Variants in PTK2B observed in about 807,000 individuals in gnomAD.
PTK2B encodes the protein protein-tyrosine kinase 2-beta.
Under a neutral mutation model 142.9 loss-of-function variants are expected in PTK2B, and 71 were observed. The ratio of observed to expected loss-of-function variants is 0.50; its 90% confidence interval spans 0.41 to 0.61. The LOEUF (loss-of-function observed/expected upper bound fraction) is 0.61, where lower values mean the gene tolerates loss of function less well. PTK2B is among the 20% of genes least tolerant of loss of function. PTK2B has a pLI of 0.00. For synonymous variants in PTK2B, 519 were observed against 503.4 expected (o/e 1.03, Z -0.42); for missense variants, 1,105 against 1,320.4 (o/e 0.84, Z 2.53).
chr8:27,345,466 C>T (rs913753183), intron 1 of PTK2B, among the ~76,000 whole-genome samples: 11 of 152,182 alleles, frequency 7.2e-5, no homozygotes, highest in African/African-American at 2.7e-4. Context: ...CCTGCCTATC[C>T]CTGGGGAATG....
At chr8:27,438,711 A>G (rs1025503392) in intron 18 of PTK2B, among the ~76,000 whole-genome samples, 1 of 152,118 alleles carries the variant, frequency 6.6e-6, no homozygotes, top group Non-Finnish European at 1.5e-5. Context: ...AGCAGATGCC[A>G]GGAATCTGAG....
chr8:27,439,820 ACT>A (rs1463874179), intron 20 of PTK2B, among the ~76,000 whole-genome samples: 1 of 151,798 alleles, frequency 6.6e-6, no homozygotes, highest in African/African-American at 2.4e-5. Flanking sequence ...CATTATTATT[ACT>A]CTCATTTTCC....
In PTK2B at chr8:27,430,073, TC is replaced by T. The variant is rs764850606; in HGVS notation, c.552-18del. On this transcript the variant is annotated intron_variant, in intron 5 of 30. Coordinates refer to ENST00000346049, the MANE Select transcript of PTK2B (RefSeq NM_173176.3). ...CATTCTCCAGCCTTCAGCCTCCCTCTCCACCACCTATTTCTCCAGGCGGTTC... is the reference window on the plus strand; with the variant it reads ...CATTCTCCAGCCTTCAGCCTCCCTCTCACCACCTATTTCTCCAGGCGGTTC... 2.1e-4 allele frequency: 333 copies of T among 1,610,314 alleles called. No homozygotes were observed. Among genetic ancestry groups the T allele is most frequent in the Middle Eastern group, 1.5e-3 (9 of 6,058 alleles).
chr8:27,415,817 T>C (rs2131739082), intron 2 of PTK2B, among the ~76,000 whole-genome samples: 1 of 152,274 alleles, frequency 6.6e-6, no homozygotes, highest in African/African-American at 2.4e-5. Context: ...TAGAAATAAA[T>C]TTAACAAAAG....
rs757895145 is a variant in PTK2B, at chr8:27,423,274, C to T, written c.551+891C>T. Among the ~76,000 whole-genome samples, 110 of 152,172 alleles carry T rather than the reference C, an allele frequency of 7.2e-4. 1 individual carries two copies. Among genetic ancestry groups the T allele is most frequent in the Admixed American group, 1.4e-3 (21 of 15,276 alleles). On this transcript the variant is annotated intron_variant, in intron 5 of 30. Transcript: ENST00000346049. Reference sequence around the variant, plus strand: ...TGATATGGCTGACCTGTGTTCTAGCCCTGTCTTGACCAGGGCAGCACCATT... The same window carrying T: ...TGATATGGCTGACCTGTGTTCTAGCTCTGTCTTGACCAGGGCAGCACCATT...
rs899228251 is a variant in PTK2B at position 27,397,929 on chromosome 8, C to A, written c.204+141C>A. On this transcript the variant is annotated intron_variant, in intron 2 of 30. Coordinates refer to ENST00000346049, the MANE Select transcript of PTK2B (RefSeq NM_173176.3). ...GGTGAGGTGGCATCAGAGAGATGTG[C>A]TCAGCCTGCATCACCAGGCCTGCTC... 10 of 1,053,052 alleles carry A rather than the reference C, an allele frequency of 9.5e-6. No individual in the cohort carries two copies. The African/African-American group carries it at 1.1e-4, about 12-fold the overall frequency. 65.2% of individuals were successfully genotyped at this position (1,053,052 alleles called of 1,614,324 possible).
chr8:27,413,958 G>T (rs1040767827), intron 2 of PTK2B, among the ~76,000 whole-genome samples: 3 of 152,012 alleles, frequency 2.0e-5, no homozygotes, highest in East Asian at 3.9e-4. Context: ...ATTTTATTTG[G>T]CAGGATGTAA....
chr8:27,441,287 C>T (rs947051861), intron 21 of PTK2B, among the ~76,000 whole-genome samples: 4 of 151,986 alleles, frequency 2.6e-5, no homozygotes, highest in Admixed American at 1.3e-4. Flanking sequence ...TATTTTTTGT[C>T]TTTTAATTTT....
At chr8:27,344,921 C>T (rs1022930959) in intron 1 of PTK2B, among the ~76,000 whole-genome samples, 3 of 54,982 alleles carry the variant, frequency 5.5e-5, no homozygotes, top group South Asian at 4.9e-4. Context: ...ACCTGTAATC[C>T]CAGCACTTGG....
intron 1 of PTK2B, among the ~76,000 whole-genome samples, chr8:27,393,832 G>A (rs576701665): frequency 5.9e-5 from 9 of 151,920 alleles, no homozygotes; most frequent in African/African-American, 1.7e-4. Flanking sequence ...ATGAACCTGC[G>A]TGGACACATC....
chr8:27,330,659 A>G (rs551662603), intron 1 of PTK2B, among the ~76,000 whole-genome samples: 3 of 152,246 alleles, frequency 2.0e-5, no homozygotes, highest in Non-Finnish European at 4.4e-5. Context: ...TAGCTTTTTG[A>G]GTCACTCTGC....
intron 2 of PTK2B, among the ~76,000 whole-genome samples, chr8:27,414,484 G>A (rs1027745043): frequency 1.3e-5 from 2 of 152,018 alleles, no homozygotes; most frequent in African/African-American, 2.4e-5. Context: ...CTGACCTCGT[G>A]ATCCGCCCGC....
intron 1 of PTK2B, 180 bp from the exon 2 acceptor site, chr8:27,397,368 C>T (rs1055644734): frequency 5.2e-6 from 3 of 581,998 alleles, no homozygotes; most frequent in Admixed American, 3.1e-5. Context: ...CAACTTGCCC[C>T]TTTCTGCTGC....
chr8:27,327,286 T>C (rs1283072022), intron 1 of PTK2B, among the ~76,000 whole-genome samples: 1 of 152,152 alleles, frequency 6.6e-6, no homozygotes, highest in Admixed American at 6.5e-5. Context: ...CCATGGCAAC[T>C]TCTGTTGGAG....
chr8:27,326,606 C>T (rs1006106618), intron 1 of PTK2B, among the ~76,000 whole-genome samples: 2 of 152,186 alleles, frequency 1.3e-5, no homozygotes, highest in African/African-American at 4.8e-5. Context: ...CCCACTGGGG[C>T]AGTGCACGTG....
At chr8:27,420,797 C>A in intron 4 of PTK2B, 53 bp downstream of exon 4, 1 of 1,468,868 alleles carries the variant, frequency 6.8e-7, no homozygotes, top group Non-Finnish European at 9.5e-7. Context: ...CCTCAAATGC[C>A]AAGCATGAAC....
At chr8:27,383,759 C>T (rs749325973) in intron 1 of PTK2B, among the ~76,000 whole-genome samples, 10 of 152,064 alleles carry the variant, frequency 6.6e-5, no homozygotes, top group Non-Finnish European at 1.2e-4. Context: ...CATCATAGCT[C>T]ACTGCATTCT....
intron 19 of PTK2B, 64 bp from the exon 20 acceptor site, chr8:27,439,245 G>A (rs1396632086): frequency 6.4e-7 from 1 of 1,562,084 alleles, no homozygotes; most frequent in Non-Finnish European, 8.8e-7. Context: ...TCAGAAAGTA[G>A]GATGTATTTC....
chr8:27,383,355 C>G (rs1247942529), intron 1 of PTK2B, among the ~76,000 whole-genome samples: 1 of 152,056 alleles, frequency 6.6e-6, no homozygotes, highest in Non-Finnish European at 1.5e-5. Flanking sequence ...AAGCAATTCT[C>G]CTGTCTCAGC....
Sources: gnomAD v4.1 joint callset for allele counts (sites outside exome capture counted in the v4.1 genomes callset) on GRCh38, gnomAD v4.1.1 for gene constraint, MANE v1.5 for transcripts, NCBI Gene and HGNC (gene_info 2026-07-23, HGNC 2026-07-21) for gene names.